The following BAIAP2L1 variants were observed in gnomAD, a reference collection of about 807,000 sequenced individuals.
BAIAP2L1 encodes the protein BAR/IMD domain-containing adapter protein 2-like 1.
A neutral mutation model predicts 66.3 loss-of-function variants in BAIAP2L1; 35 were observed. That is an observed-to-expected ratio of 0.53 (90% CI 0.40 to 0.70). The LOEUF (loss-of-function observed/expected upper bound fraction) is 0.70. BAIAP2L1 is among the 30% of genes least tolerant of loss of function. The pLI is 0.00. For missense variants in BAIAP2L1, 622 were observed against 656.9 expected (o/e 0.95, Z 0.58); for synonymous variants, 269 against 248.7 (o/e 1.08, Z -0.77).
intron 3 of BAIAP2L1, among the ~76,000 whole-genome samples, chr7:98,330,383 C>G (rs923048795): frequency 1.3e-5 from 2 of 152,140 alleles, no homozygotes; most frequent in South Asian, 4.1e-4. Context: ...TTAGGCCAGG[C>G]GTGGTGGCTC....
In BAIAP2L1 at chr7:98,307,848, C is replaced by G; in HGVS notation, c.1004G>C (p.Gly335Ala). The G allele has an allele frequency of 6.2e-7, 1 of 1,614,248 alleles. No individual in the cohort carries two copies. The highest frequency in any genetic ancestry group is 8.5e-7 in the Non-Finnish European group (1 of 1,180,044). Residue 335 changes from glycine to alanine, a missense_variant, in exon 10 of 14, where the codon GGA becomes GCA. Physicochemically the swap from Gly to Ala is moderately conservative, Grantham distance 60 (BLOSUM62 0). Coordinates refer to ENST00000005260, the MANE Select transcript of BAIAP2L1 (RefSeq NM_018842.5). ...TTTCTGCTTCTTCATCATGTTCAGT[C>G]CCGTTGCAACCGAAACTGATCGCTG... is the stretch of plus-strand genomic sequence containing the variant. The part of the protein sequence containing the change: ...SLQRSVSVAT[G>A]LNMMKKQKVK...
intron 12 of BAIAP2L1, among the ~76,000 whole-genome samples, chr7:98,301,096 GTCTCA>G (rs1406412117): frequency 6.6e-6 from 1 of 152,126 alleles, no homozygotes; most frequent in African/African-American, 2.4e-5. Flanking sequence ...TGATGGGACG[GTCTCA>G]TCTCTGTCCA....
At chr7:98,345,175 C>T (rs1420742988) in intron 3 of BAIAP2L1, among the ~76,000 whole-genome samples, 1 of 152,112 alleles carries the variant, frequency 6.6e-6, no homozygotes, top group African/African-American at 2.4e-5. Flanking sequence ...AAGAGGACAA[C>T]CAGCCTAACA....
chr7:98,340,448 C>A (rs540089613), intron 3 of BAIAP2L1, among the ~76,000 whole-genome samples: 1 of 152,116 alleles, frequency 6.6e-6, no homozygotes, highest in Admixed American at 6.6e-5. Context: ...CCACCACTCC[C>A]GGCTAATTTT....
At chr7:98,361,121 C>T (rs1418562999) in intron 2 of BAIAP2L1, among the ~76,000 whole-genome samples, 2 of 152,142 alleles carry the variant, frequency 1.3e-5, no homozygotes, top group African/African-American at 2.4e-5. Context: ...CTTTGGGAGG[C>T]TGAGGGGAGT....
intron 1 of BAIAP2L1, among the ~76,000 whole-genome samples, chr7:98,365,146 C>T (rs1428886856): frequency 1.3e-5 from 2 of 151,932 alleles, no homozygotes; most frequent in African/African-American, 4.8e-5. Context: ...TGAAATTGCA[C>T]CATGGTCTGT....
intron 1 of BAIAP2L1, among the ~76,000 whole-genome samples, chr7:98,384,122 C>A (rs1447945044): frequency 1.3e-5 from 2 of 149,552 alleles, no homozygotes; most frequent in African/African-American, 4.9e-5. Context: ...CCATTGCAAT[C>A]CAGCCTGGGC....
At chr7:98,308,391 G>A (rs1202421196) in intron 9 of BAIAP2L1, 1 of 419,278 alleles carries the variant, frequency 2.4e-6, no homozygotes, top group Admixed American at 2.6e-5. Context: ...GCCTAAGAAG[G>A]ACAAGGTGAG....
intron 3 of BAIAP2L1, among the ~76,000 whole-genome samples, chr7:98,328,018 GTT>G (rs377766958): frequency 6.9e-6 from 1 of 145,470 alleles, no homozygotes; most frequent in African/African-American, 2.5e-5. Flanking sequence ...CCCGAACATT[GTT>G]TTTTTTTTTG....
rs1002092709 is a variant in BAIAP2L1, at chr7:98,293,498, C to T, written c.*23G>A. 1.4e-5 allele frequency: 22 copies of T among 1,606,404 alleles called. No individual in the cohort carries two copies. Among genetic ancestry groups the T allele is most frequent in the East Asian group, 4.5e-5 (2 of 44,880 alleles). On this transcript the variant is annotated 3_prime_UTR_variant, in exon 14 of 14. Coordinates refer to ENST00000005260, the MANE Select transcript of BAIAP2L1 (RefSeq NM_018842.5). ...TCCGCAAGGGAGAACCGGAGAGGCC[C>T]GGGAGAGTCCTTGGCTGTCCTCTCA...
At chr7:98,366,559 A>G (rs970534554) in intron 1 of BAIAP2L1, among the ~76,000 whole-genome samples, 8 of 152,092 alleles carry the variant, frequency 5.3e-5, no homozygotes, top group African/African-American at 1.2e-4. Context: ...TCTCTTGTCA[A>G]TGGATGTTTT....
chr7:98,364,107 C>T (rs771803128), intron 1 of BAIAP2L1, among the ~76,000 whole-genome samples: 3 of 151,764 alleles, frequency 2.0e-5, no homozygotes, highest in Non-Finnish European at 2.9e-5. Flanking sequence ...GTCTCTATAC[C>T]TCTCACTCTT....
At chr7:98,351,284 G>A (rs1371325060) in intron 3 of BAIAP2L1, among the ~76,000 whole-genome samples, 2 of 152,176 alleles carry the variant, frequency 1.3e-5, no homozygotes, top group East Asian at 1.9e-4. Context: ...CCAGAGCACC[G>A]CTAACATTTC....
At chr7:98,295,694 T>G (rs1166982399) in intron 12 of BAIAP2L1, among the ~76,000 whole-genome samples, 1 of 151,806 alleles carries the variant, frequency 6.6e-6, no homozygotes, top group African/African-American at 2.4e-5. Context: ...ACCATCTCCC[T>G]CACATGTGCA....
At chr7:98,304,132 C>G in intron 12 of BAIAP2L1, 64 bp downstream of exon 12, 2 of 1,468,198 alleles carry the variant, frequency 1.4e-6, no homozygotes, top group Non-Finnish European at 1.8e-6. Context: ...ACCACAGGAC[C>G]TGCGCCTCCC....
chr7:98,352,968 T>A (rs1311728246), intron 3 of BAIAP2L1, among the ~76,000 whole-genome samples: 1 of 152,192 alleles, frequency 6.6e-6, no homozygotes, highest in Non-Finnish European at 1.5e-5. Context: ...AGGATGTTTC[T>A]TTTTATTCAT....
At chr7:98,388,893 T>C (rs1171644737) in intron 1 of BAIAP2L1, among the ~76,000 whole-genome samples, 5 of 150,812 alleles carry the variant, frequency 3.3e-5, no homozygotes, top group Non-Finnish European at 5.9e-5. Flanking sequence ...AGGAACGCTT[T>C]AGCCTGGGAC....
intron 8 of BAIAP2L1, among the ~76,000 whole-genome samples, chr7:98,310,942 T>C (rs1283989790): frequency 6.6e-6 from 1 of 152,050 alleles, no homozygotes; most frequent in African/African-American, 2.4e-5. Flanking sequence ...CGCCTAGGCC[T>C]CCCAAAGTGC....
At chr7:98,293,947 A>C (rs1351703460) in intron 13 of BAIAP2L1, 127 bp downstream of exon 13, 2 of 1,120,840 alleles carry the variant, frequency 1.8e-6, no homozygotes, top group African/African-American at 3.1e-5. Context: ...GCACTCCCCC[A>C]TGGCTCCACA....
Sources: gnomAD v4.1 joint callset for allele counts (sites outside exome capture counted in the v4.1 genomes callset) on GRCh38, gnomAD v4.1.1 for gene constraint, MANE v1.5 for transcripts, NCBI Gene and HGNC (gene_info 2026-07-23, HGNC 2026-07-21) for gene names.